Variants in FRY observed in about 807,000 individuals in gnomAD.
FRY encodes the protein FRY microtubule binding protein.
FRY carries 128 observed loss-of-function variants against 348.4 expected under a neutral mutation model. That is an observed-to-expected ratio of 0.37 (90% CI 0.32 to 0.43). The LOEUF (loss-of-function observed/expected upper bound fraction) is 0.43. FRY is among the 20% of genes least tolerant of loss of function. FRY has a pLI of 1.00. For missense variants in FRY, 2,736 were observed against 3,695.2 expected, an observed-to-expected ratio of 0.74 and a Z score of 6.73; for synonymous variants, 1,370 against 1,374.7, an observed-to-expected ratio of 1.00 and a Z score of 0.08.
chr13:32,234,747 G>GGAGAT lies in FRY; in HGVS notation c.5707_5711dup (p.Ile1904MetfsTer7). 1 of 1,614,048 alleles carries GGAGAT rather than the reference G, an allele frequency of 6.2e-7. No individual in the cohort carries two copies. The highest frequency in any genetic ancestry group is 8.5e-7 in the Non-Finnish European group (1 of 1,179,890). Reference sequence around the variant, plus strand: ...ATTGGTGGAGGTGATAGGAGAACATGGAGATGAGATTCAGGTATGGAAGGG... The same window carrying GGAGAT: ...ATTGGTGGAGGTGATAGGAGAACATGGAGATGAGATGAGATTCAGGTATGGAAGGG... On this transcript the variant is annotated frameshift_variant, in exon 42 of 61. Transcript: ENST00000542859. LOFTEE classifies it high-confidence loss of function.
rs147353380 is a variant in FRY at position 32,230,673 on chromosome 13, C to T, written c.5406-506C>T. Among the ~76,000 whole-genome samples the T allele has an allele frequency of 5.7e-3, 866 of 152,164 alleles. 8 individuals are homozygous for T. Among genetic ancestry groups the T allele is most frequent in the African/African-American group, 0.019 (808 of 41,500 alleles). On this transcript the variant is annotated intron_variant, in intron 40 of 60. Transcript: ENST00000542859. Reference sequence around the variant, plus strand: ...ATGTATATTCCTTTGGGTATATACTCGGTAATGGAATTGCTGGGTCGAATG... The same window carrying T: ...ATGTATATTCCTTTGGGTATATACTTGGTAATGGAATTGCTGGGTCGAATG...
chr13:32,224,467 G>T (rs1885480650), intron 37 of FRY, 82 bp downstream of exon 37: 2 of 1,248,726 alleles, frequency 1.6e-6, no homozygotes, highest in African/African-American at 3.0e-5. Flanking sequence ...CCTAGTCCAG[G>T]TCCCACCACA....
intron 1 of FRY, among the ~76,000 whole-genome samples, chr13:32,074,287 A>G (rs986841538): frequency 2.6e-5 from 4 of 152,242 alleles, no homozygotes; most frequent in Non-Finnish European, 5.9e-5. Flanking sequence ...AAGAACATTA[A>G]CAAAACTCAT....
chr13:32,246,566 A>T (rs2138491583), intron 47 of FRY, among the ~76,000 whole-genome samples: 1 of 152,196 alleles, frequency 6.6e-6, no homozygotes, highest in East Asian at 1.9e-4. Context: ...AAGAGTGTGG[A>T]CTCCACCCTG....
chr13:32,233,250 A>G (rs1886018413), intron 41 of FRY, among the ~76,000 whole-genome samples: 2 of 152,182 alleles, frequency 1.3e-5, no homozygotes. Flanking sequence ...GAGCAATGAC[A>G]TTGAATTATC....
intron 29 of FRY, 80 bp from the exon 30 acceptor site, chr13:32,201,861 C>A: frequency 1.2e-6 from 1 of 848,910 alleles, no homozygotes; most frequent in Non-Finnish European, 2.1e-6. Context: ...AGCATGCCAG[C>A]TAGAATTTTA....
chr13:32,117,562 T>C (rs1878379910), intron 4 of FRY, 89 bp downstream of exon 4: 1 of 1,291,452 alleles, frequency 7.7e-7, no homozygotes, highest in Admixed American at 1.7e-5. Flanking sequence ...GGCAATTGGG[T>C]CTTCCTGACT....
chr13:32,165,224 C>T (rs1881666468), intron 17 of FRY, among the ~76,000 whole-genome samples: 1 of 152,116 alleles, frequency 6.6e-6, no homozygotes, highest in Admixed American at 6.5e-5. Flanking sequence ...GTAGAAACTT[C>T]TAAGATAATG....
At chr13:32,255,862 C>T (rs563788739) in intron 51 of FRY, among the ~76,000 whole-genome samples, 1 of 152,146 alleles carries the variant, frequency 6.6e-6, no homozygotes, top group African/African-American at 2.4e-5. Context: ...CTAATGTTTG[C>T]TCTTCAGTTA....
intron 18 of FRY, among the ~76,000 whole-genome samples, chr13:32,172,154 G>A (rs1340810008): frequency 6.6e-6 from 1 of 151,462 alleles, no homozygotes; most frequent in African/African-American, 2.4e-5. Flanking sequence ...ATGTGGATGT[G>A]GATATTGATG....
chr13:32,209,970 C>G (rs1212624360), intron 33 of FRY, among the ~76,000 whole-genome samples: 1 of 152,314 alleles, frequency 6.6e-6, no homozygotes, highest in South Asian at 2.1e-4. Flanking sequence ...ACGCAGAAAC[C>G]TATTGATATA....
intron 1 of FRY, among the ~76,000 whole-genome samples, chr13:32,067,168 C>T (rs1384031052): frequency 6.6e-6 from 1 of 152,148 alleles, no homozygotes; most frequent in Non-Finnish European, 1.5e-5. Context: ...CCTCTCTGTA[C>T]CTGCCATGCC....
At chr13:32,107,092 C>T (rs1428405072) in intron 3 of FRY, among the ~76,000 whole-genome samples, 3 of 152,250 alleles carry the variant, frequency 2.0e-5, no homozygotes, top group African/African-American at 7.2e-5. Flanking sequence ...CGTAATGGCT[C>T]ACGCCTATAA....
Position 32,194,282 on chromosome 13 carries a change from C to A in FRY, c.3731C>A (p.Thr1244Asn). Residue 1244 changes from threonine (T) to asparagine (N), a missense_variant, in exon 29 of 61, where the codon ACT (threonine) becomes AAT (asparagine). Coordinates refer to ENST00000542859, the MANE Select transcript of FRY (RefSeq NM_023037.3). ...LASGCFKAIA[T>N]VCGSRNYPFD... ...TCTGGCTGCTTCAAAGCCATAGCAA[C>A]TGTGTGTGGAAGCAGGTACGAATTT... 6.2e-7 allele frequency: 1 copy of A among 1,614,144 alleles called. No individual in the cohort carries two copies. The highest frequency in any genetic ancestry group is 1.1e-5 in the South Asian group (1 of 91,088).
chr13:32,127,544 A>G (rs754242076), intron 7 of FRY, among the ~76,000 whole-genome samples: 4 of 152,186 alleles, frequency 2.6e-5, no homozygotes, highest in Non-Finnish European at 4.4e-5. Context: ...TTGGGAGGCC[A>G]AGGTGGGCGG....
rs1378677935 is a variant in FRY, at chr13:32,182,961, C to A, written c.2997-16C>A. The A allele has an allele frequency of 2.6e-6, 4 of 1,563,120 alleles. No homozygotes were observed. The highest frequency in any genetic ancestry group is 3.5e-6 in the Non-Finnish European group (4 of 1,134,700). On this transcript the variant is annotated splice_polypyrimidine_tract_variant and intron_variant, in intron 23 of 60. Transcript: ENST00000542859. ...CAAAAACAATGAATTTCAAATTTGACCTTTTTCCTCCACAGAGAATTGGTA... is the reference window on the plus strand; with the variant it reads ...CAAAAACAATGAATTTCAAATTTGAACTTTTTCCTCCACAGAGAATTGGTA...
intron 48 of FRY, among the ~76,000 whole-genome samples, chr13:32,247,958 G>T (rs1886889603): frequency 2.0e-5 from 3 of 152,134 alleles, no homozygotes; most frequent in African/African-American, 7.2e-5. Context: ...CTAAATTCTT[G>T]CCTTGAAGCG....
At chr13:32,212,063 C>T (rs998180106) in intron 34 of FRY, among the ~76,000 whole-genome samples, 8 of 152,178 alleles carry the variant, frequency 5.3e-5, no homozygotes, top group Admixed American at 6.5e-5. Context: ...GCTTGCTTTA[C>T]GAGAGTTAAG....
chr13:32,200,488 C>A (rs2520699), intron 29 of FRY, among the ~76,000 whole-genome samples: 63,116 of 151,908 alleles, frequency 0.42, 13,337 homozygotes, highest in African/African-American at 0.45. Flanking sequence ...TTGGAAGGCC[C>A]AGTTGGGAGG....
Sources: allele counts gnomAD v4.1 joint callset (sites outside exome capture counted in the v4.1 genomes callset), GRCh38; gene constraint gnomAD v4.1.1; transcripts MANE v1.5; gene names NCBI Gene and HGNC (gene_info 2026-07-23, HGNC 2026-07-21).